The following YIPF1 variants were observed in gnomAD, a reference collection of about 807,000 sequenced individuals.
The protein encoded by YIPF1 is Yip1 domain family member 1.
In YIPF1, 22 loss-of-function variants were observed where a neutral mutation model predicts 37.0. That is an observed-to-expected ratio of 0.59 (90% CI 0.42 to 0.85). The LOEUF is 0.85. YIPF1 is among the 40% of genes least tolerant of loss of function. The pLI is 0.00. For synonymous variants in YIPF1, 128 were observed against 131.9 expected (o/e 0.97, Z 0.21); for missense variants, 355 against 373.1 (o/e 0.95, Z 0.40).
chr1:53,884,038 AAAAAAAAG>A (rs1650573738), intron 3 of YIPF1, among the ~76,000 whole-genome samples: 1 of 151,770 alleles, frequency 6.6e-6, no homozygotes, highest in African/African-American at 2.4e-5. Context: ...CTATGTCTCA[AAAAAAAAG>A]GAAAAAAGAA....
chr1:53,858,264 G>A lies in YIPF1; in HGVS notation c.*8+1792C>T, dbSNP rs34880498. On this transcript the variant is annotated intron_variant, in intron 10 of 10. Coordinates refer to ENST00000072644, the MANE Select transcript of YIPF1 (RefSeq NM_018982.5). ...AGTCATTCTACTGGCCAGGGTGACT[G>A]TCTTACCATTAAGGAACTGGAAAGC... 1.5e-3 allele frequency among the ~76,000 whole-genome samples: 234 copies of A among 152,268 alleles called. 1 individual carries two copies. The highest frequency in any genetic ancestry group is 0.01 in the Middle Eastern group (3 of 294).
At chr1:53,883,597 C>A (rs1650562353) in intron 3 of YIPF1, among the ~76,000 whole-genome samples, 1 of 152,174 alleles carries the variant, frequency 6.6e-6, no homozygotes, top group Non-Finnish European at 1.5e-5. Context: ...GGGAGAATAA[C>A]ATTTATTTTA....
intron 7 of YIPF1, 67 bp from the exon 8 acceptor site, chr1:53,866,991 A>C (rs1259674898): frequency 1.3e-6 from 2 of 1,526,668 alleles, no homozygotes; most frequent in African/African-American, 1.4e-5. Flanking sequence ...AGCACTTCCA[A>C]CACCTTATTG....
chr1:53,861,821 C>A lies in YIPF1; in HGVS notation c.832-1668G>T, dbSNP rs182063607. ...TTGAGGCCAGGAGTTCAAGACCAGC[C>A]CGGCAAACATGGTGAAACCCCACCT... is the stretch of plus-strand genomic sequence containing the variant. On this transcript the variant is annotated intron_variant, in intron 9 of 10. Transcript: ENST00000072644. Among the ~76,000 whole-genome samples, 17 of 152,190 alleles carry A rather than the reference C, an allele frequency of 1.1e-4. 1 individual carries two copies. In the East Asian group the frequency reaches 2.5e-3, roughly 23 times the overall value.
At chr1:53,878,808 T>A in intron 4 of YIPF1, 86 bp from the exon 5 acceptor site, 2 of 1,282,626 alleles carry the variant, frequency 1.6e-6, no homozygotes, top group South Asian at 3.0e-5. Flanking sequence ...TCTGATCTAA[T>A]GGAAAAGCAA....
chr1:53,869,065 G>A (rs1650104278), intron 7 of YIPF1, among the ~76,000 whole-genome samples: 1 of 151,174 alleles, frequency 6.6e-6, no homozygotes, highest in Admixed American at 6.6e-5. Flanking sequence ...ACTCCATGAT[G>A]GACAAGAAGG....
At chr1:53,881,262 G>A (rs115686423) in intron 4 of YIPF1, among the ~76,000 whole-genome samples, 1,047 of 97,882 alleles carry the variant, frequency 0.011, 18 homozygotes, top group South Asian at 0.026. Flanking sequence ...AAAAAAAAAA[G>A]AAAAAGAAAG....
chr1:53,862,564 T>C (rs917257057), intron 9 of YIPF1, among the ~76,000 whole-genome samples: 6 of 152,170 alleles, frequency 3.9e-5, no homozygotes, highest in Non-Finnish European at 7.4e-5. Context: ...CATTTACATG[T>C]GCAATCACCG....
intron 4 of YIPF1, 26 bp from the exon 5 acceptor site, chr1:53,878,748 T>C (rs200782184): frequency 1.5e-4 from 235 of 1,584,192 alleles, no homozygotes; most frequent in African/African-American, 5.6e-4. Flanking sequence ...TAAAACATAA[T>C]GAACACATAA....
rs1008655428 is a variant in YIPF1 at position 53,859,608 on chromosome 1, T to C, written c.*8+448A>G. On this transcript the variant is annotated intron_variant, in intron 10 of 10. Coordinates refer to ENST00000072644, the MANE Select transcript of YIPF1 (RefSeq NM_018982.5). ...TGAACCCAGGAGATGGAGGCTGCAC[T>C]GAGCTGAGATCATGCCATTGCACTC... is the stretch of plus-strand genomic sequence containing the variant. 3.3e-5 allele frequency among the ~76,000 whole-genome samples: 5 copies of C among 152,202 alleles called. No individual in the cohort carries two copies. The South Asian group carries it at 6.2e-4, about 19-fold the overall frequency.
At chr1:53,873,556 T>C (rs1650249368) in intron 6 of YIPF1, among the ~76,000 whole-genome samples, 2 of 152,162 alleles carry the variant, frequency 1.3e-5, no homozygotes, top group African/African-American at 4.8e-5. Context: ...CTTAAGCCTG[T>C]AGTCCCAGCT....
chr1:53,859,202 C>A (rs897345068), intron 10 of YIPF1, among the ~76,000 whole-genome samples: 2 of 152,042 alleles, frequency 1.3e-5, no homozygotes, highest in African/African-American at 4.8e-5. Flanking sequence ...TCGAGCTGAG[C>A]CTAACTGGGG....
chr1:53,871,596 G>T lies in YIPF1; in HGVS notation c.365-108C>A. ...TGTATTCATGTTAGCAAAAGAAAAT[G>T]AATTTTCTAGATGGGATCAACACTT... On this transcript the variant is annotated intron_variant, in intron 6 of 10. Transcript: ENST00000072644. 4.3e-6 allele frequency: 4 copies of T among 929,300 alleles called. 1 individual carries two copies. Among genetic ancestry groups the T allele is most frequent in the South Asian group, 3.3e-5 (2 of 60,398 alleles). 57.6% of individuals were successfully genotyped at this position (929,300 alleles called of 1,614,324 possible).
At chr1:53,854,275 C>T (rs1314193990) in intron 10 of YIPF1, among the ~76,000 whole-genome samples, 2 of 151,280 alleles carry the variant, frequency 1.3e-5, no homozygotes, top group Non-Finnish European at 2.9e-5. Flanking sequence ...AAAAAAATTC[C>T]TTCTCCTGCT....
At chr1:53,877,921 T>C (rs1308746756) in intron 6 of YIPF1, among the ~76,000 whole-genome samples, 1 of 152,184 alleles carries the variant, frequency 6.6e-6, no homozygotes. Flanking sequence ...TCCCAAAGTG[T>C]TGGGATTACA....
At position 53,866,762 on chromosome 1, in the gene YIPF1, G is replaced by C. The variant is rs181593772; in HGVS notation, c.644C>G (p.Thr215Ser). ...CTCCCTAAGTATGGTACTTACTGCGGTGGGGATATAAATGAAGAGGGAATA... is the reference window on the plus strand; with the variant it reads ...CTCCCTAAGTATGGTACTTACTGCGCTGGGGATATAAATGAAGAGGGAATA... ...YGYSLFIYIP[T>S]AILWIIPQKA... is the part of the protein sequence containing the mutation. Residue 215 changes from threonine (T) to serine (S), a missense_variant, in exon 8 of 11, where the codon ACC (threonine) becomes AGC (serine). Thr to Ser is a moderately conservative substitution (Grantham distance 58). Coordinates refer to ENST00000072644, the MANE Select transcript of YIPF1 (RefSeq NM_018982.5). 7 of 1,612,818 alleles carry C rather than the reference G, an allele frequency of 4.3e-6. No homozygotes were observed. Among genetic ancestry groups the C allele is most frequent in the Middle Eastern group, 1.6e-4 (1 of 6,070 alleles).
At chr1:53,857,257 A>C (rs1175747214) in intron 10 of YIPF1, among the ~76,000 whole-genome samples, 4 of 152,212 alleles carry the variant, frequency 2.6e-5, no homozygotes, top group Non-Finnish European at 5.9e-5. Flanking sequence ...GAAGTAGAGG[A>C]GCAAGCTAAG....
intron 10 of YIPF1, among the ~76,000 whole-genome samples, chr1:53,854,339 A>T (rs1304919175): frequency 6.6e-6 from 1 of 152,202 alleles, no homozygotes; most frequent in African/African-American, 2.4e-5. Flanking sequence ...CTTGGCACTT[A>T]GGCCAGAGGG....
At chr1:53,856,105 CA>C (rs950155590) in intron 10 of YIPF1, among the ~76,000 whole-genome samples, 5 of 152,206 alleles carry the variant, frequency 3.3e-5, no homozygotes, top group African/African-American at 1.2e-4. Flanking sequence ...ATCAGCAAAG[CA>C]ATTGATGCTT....
Sources: gnomAD v4.1 joint callset for allele counts (sites outside exome capture counted in the v4.1 genomes callset) on GRCh38, gnomAD v4.1.1 for gene constraint, MANE v1.5 for transcripts, NCBI Gene and HGNC (gene_info 2026-07-23, HGNC 2026-07-21) for gene names.